Variants in DOCK10 observed in about 807,000 individuals in gnomAD.
DOCK10 encodes the protein dedicator of cytokinesis 10, also known as dedicator of cytokinesis protein 10.
Under a neutral mutation model 280.1 loss-of-function variants are expected in DOCK10, and 145 were observed. That is an observed-to-expected ratio of 0.52 (90% CI 0.45 to 0.59). The LOEUF is 0.59. DOCK10 is among the 20% of genes least tolerant of loss of function. The pLI, the probability that DOCK10 is intolerant of heterozygous loss-of-function variation, is 0.00. For synonymous variants in DOCK10, 915 were observed against 942.2 expected, an observed-to-expected ratio of 0.97 and a Z score of 0.53; for missense variants, 2,368 against 2,651.7, an observed-to-expected ratio of 0.89 and a Z score of 2.35.
intron 1 of DOCK10, among the ~76,000 whole-genome samples, chr2:225,013,944 G>T (rs1194416814): frequency 6.6e-6 from 1 of 151,884 alleles, no homozygotes; most frequent in African/African-American, 2.4e-5. Flanking sequence ...GAAATATAGG[G>T]CTTTCCAAGC....
chr2:224,839,519 C>A (rs1206826957), intron 24 of DOCK10, among the ~76,000 whole-genome samples: 1 of 152,136 alleles, frequency 6.6e-6, no homozygotes, highest in Non-Finnish European at 1.5e-5. Flanking sequence ...TACTACTCTG[C>A]AATGAAAAGG....
intron 4 of DOCK10, among the ~76,000 whole-genome samples, chr2:224,894,757 CT>C (rs1323705047): frequency 6.6e-6 from 1 of 152,166 alleles, no homozygotes. Flanking sequence ...AAGGGACATA[CT>C]TTTTTTCTCT....
At chr2:224,893,879 A>T (rs1699841365) in intron 4 of DOCK10, among the ~76,000 whole-genome samples, 1 of 152,216 alleles carries the variant, frequency 6.6e-6, no homozygotes, top group East Asian at 1.9e-4. Flanking sequence ...CGGAAGACCC[A>T]AGTAAATTGT....
At position 224,819,296 on chromosome 2, in the gene DOCK10, G is replaced by C. The variant is rs1694350399; in HGVS notation, c.3267+150C>G. 8.1e-6 allele frequency: 4 copies of C among 493,944 alleles called. No individual in the cohort carries two copies. The Middle Eastern group carries it at 1.2e-3, about 143-fold the overall frequency. 30.6% of individuals were successfully genotyped at this position (493,944 alleles called of 1,614,324 possible). Reference sequence around the variant, plus strand: ...AGGAAGGACTTGGTAGGCACACTCAGCAGATGAAACATTAAAAGGCTGCCT... The same window carrying C: ...AGGAAGGACTTGGTAGGCACACTCACCAGATGAAACATTAAAAGGCTGCCT... On this transcript the variant is annotated intron_variant, in intron 29 of 55. Coordinates refer to ENST00000258390, the MANE Select transcript of DOCK10 (RefSeq NM_014689.3).
chr2:224,872,416 TG>T (rs1698349289), intron 11 of DOCK10, among the ~76,000 whole-genome samples: 1 of 152,110 alleles, frequency 6.6e-6, no homozygotes, highest in African/African-American at 2.4e-5. Flanking sequence ...TTGCCCAGAG[TG>T]GCACAACTTG....
At chr2:225,028,732 A>G (rs1336831874) in intron 1 of DOCK10, among the ~76,000 whole-genome samples, 1 of 152,198 alleles carries the variant, frequency 6.6e-6, no homozygotes, top group East Asian at 1.9e-4. Flanking sequence ...TTACGAAAAC[A>G]GCTCAGGCCC....
intron 3 of DOCK10, among the ~76,000 whole-genome samples, chr2:224,906,790 A>C (rs2125888208): frequency 6.6e-6 from 1 of 152,314 alleles, no homozygotes; most frequent in Non-Finnish European, 1.5e-5. Flanking sequence ...TGTTTATCTT[A>C]AAGTAGTATA....
intron 1 of DOCK10, among the ~76,000 whole-genome samples, chr2:224,980,217 G>C (rs4674957): frequency 1.3e-5 from 2 of 152,124 alleles, no homozygotes; most frequent in Admixed American, 1.3e-4. Context: ...ACAAGAGCAG[G>C]TTCCTGAGCT....
intron 1 of DOCK10, among the ~76,000 whole-genome samples, chr2:224,965,298 G>C (rs779151049): frequency 5.9e-5 from 9 of 152,174 alleles, no homozygotes. Flanking sequence ...GTGTCAGAGA[G>C]GGAGCAGAGC....
rs1476756074 is a variant in DOCK10 at position 224,864,993 on chromosome 2, A to T, written c.1352T>A (p.Val451Asp). The change falls in exon 12 of 56, where the codon GTC becomes GAC. Residue 451 changes from valine to aspartate, a missense_variant. Val to Asp is a radical substitution (Grantham distance 152). Around this residue, in one of 2 missense-constraint regions of DOCK10, gnomAD observed 1,209 missense variants for 1,250.9 expected, o/e 0.97. Transcript: ENST00000258390. ...DFHVDLNHAA[V>D]RQMLLGASVA... ...AGAAGCCCCCAAGAGCATCTGTCTG[A>T]CAGCAGCATGGTTTAGATCCACATG... 1 of 1,614,016 alleles carries T rather than the reference A, an allele frequency of 6.2e-7. No homozygotes were observed. The highest frequency in any genetic ancestry group is 1.7e-5 in the Admixed American group (1 of 60,026).
chr2:224,971,827 G>GTATAAATGT (rs1559896462), intron 1 of DOCK10, among the ~76,000 whole-genome samples: 1 of 151,954 alleles, frequency 6.6e-6, no homozygotes, highest in African/African-American at 2.4e-5. Context: ...TGTGTTATAT[G>GTATAAATGT]TATAAATGTA....
chr2:225,008,691 G>A (rs995234842), intron 1 of DOCK10, among the ~76,000 whole-genome samples: 1 of 152,138 alleles, frequency 6.6e-6, no homozygotes, highest in African/African-American at 2.4e-5. Context: ...GAGACTGGCT[G>A]TCTCATCTTA....
intron 16 of DOCK10, among the ~76,000 whole-genome samples, 183 bp from the exon 17 acceptor site, chr2:224,853,305 G>A (rs1041314702): frequency 4.6e-5 from 7 of 152,116 alleles, no homozygotes; most frequent in Admixed American, 3.9e-4. Flanking sequence ...AACAAGCTAC[G>A]TATTTAATAT....
At chr2:224,893,692 T>C (rs750150453) in intron 4 of DOCK10, 3 of 431,912 alleles carry the variant, frequency 6.9e-6, no homozygotes, top group South Asian at 5.3e-5. Flanking sequence ...GAGTCAATAA[T>C]ACACATTTAA....
intron 2 of DOCK10, among the ~76,000 whole-genome samples, chr2:224,924,543 G>A (rs2125991551): frequency 6.6e-6 from 1 of 152,192 alleles, no homozygotes; most frequent in African/African-American, 2.4e-5. Context: ...CCTTTTTATG[G>A]CTGAATAATA....
At position 224,797,063 on chromosome 2, in the gene DOCK10, T is replaced by A; in HGVS notation, c.4728A>T (p.Ser1576=). ...CTGAGGCTTCTGTCTGAGTTGACCG[T>A]GACCTGTGGTTACAGCATTTTAGGA... ...YEVLKCCNHR[S]RSTQTEASAL... The change falls in exon 43 of 56, where the codon TCA becomes TCT. Residue 1576 remains serine (S), a synonymous_variant. Transcript: ENST00000258390. 1 of 1,613,696 alleles carries A rather than the reference T, an allele frequency of 6.2e-7. No homozygotes were observed.
intron 1 of DOCK10, among the ~76,000 whole-genome samples, chr2:225,035,549 TATA>T (rs1690207241): frequency 5.4e-5 from 1 of 18,456 alleles, no homozygotes; most frequent in Non-Finnish European, 1.1e-4. Flanking sequence ...ATATTATATA[TATA>T]TATATATATA....
intron 1 of DOCK10, among the ~76,000 whole-genome samples, chr2:225,015,550 G>A (rs1689566460): frequency 6.6e-6 from 1 of 152,096 alleles, no homozygotes; most frequent in Non-Finnish European, 1.5e-5. Flanking sequence ...CCAACCAGGC[G>A]GGCCCATCAC....
At chr2:224,788,545 T>TA (rs1442012233) in intron 48 of DOCK10, among the ~76,000 whole-genome samples, 1 of 152,340 alleles carries the variant, frequency 6.6e-6, no homozygotes, top group East Asian at 1.9e-4. Flanking sequence ...AATACTGACC[T>TA]AAAAATCAGC....
Sources: allele counts gnomAD v4.1 joint callset (sites outside exome capture counted in the v4.1 genomes callset), GRCh38; gene constraint gnomAD v4.1.1; regional missense constraint gnomAD v4.1.1; transcripts MANE v1.5; gene names NCBI Gene and HGNC (gene_info 2026-07-23, HGNC 2026-07-21).